AFAP1L1: variants seen among roughly 807,000 people sequenced by gnomAD.
AFAP1L1 encodes the protein actin filament-associated protein 1-like 1.
AFAP1L1 carries 77 observed loss-of-function variants against 99.8 expected under a neutral mutation model. That is an observed-to-expected ratio of 0.77 (90% CI 0.64 to 0.93). AFAP1L1 has a LOEUF of 0.93. Among genes scored for constraint, AFAP1L1 ranks in the 40% least tolerant of loss-of-function variants. AFAP1L1 has a pLI of 0.00. For missense variants in AFAP1L1, 893 were observed against 996.8 expected, an observed-to-expected ratio of 0.90 and a Z score of 1.40; for synonymous variants, 373 against 395.3, an observed-to-expected ratio of 0.94 and a Z score of 0.67.
rs1476513267 is a variant in AFAP1L1 at position 149,319,633 on chromosome 5, A to ATGGGC, written c.1533_1537dup (p.Ser513TrpfsTer20). ...CTGGCTCGGGCTGCTGCTGGTGGAGATGGGCTCCAGAGTCACTCCGGAGGC... is the reference window on the plus strand; with the variant it reads ...CTGGCTCGGGCTGCTGCTGGTGGAGATGGGCTGGGCTCCAGAGTCACTCCGGAGGC... On this transcript the variant is annotated frameshift_variant, in exon 13 of 19. Transcript: ENST00000296721. LOFTEE classifies it high-confidence loss of function. 3.7e-6 allele frequency: 6 copies of ATGGGC among 1,613,016 alleles called. No homozygotes were observed. The highest frequency in any genetic ancestry group is 4.2e-6 in the Non-Finnish European group (5 of 1,179,936).
At chr5:149,291,549 AAGAAAG>A (rs770305128) in intron 1 of AFAP1L1, among the ~76,000 whole-genome samples, 196 of 82,082 alleles carry the variant, frequency 2.4e-3, no homozygotes, top group Middle Eastern at 0.014. Flanking sequence ...AAAAAAAAAA[AAGAAAG>A]AAAGAAGAGA....
chr5:149,313,402 G>GT (rs1756699696), intron 9 of AFAP1L1, among the ~76,000 whole-genome samples: 1 of 152,208 alleles, frequency 6.6e-6, no homozygotes, highest in Non-Finnish European at 1.5e-5. Context: ...TGCTTTATGT[G>GT]TATTAACTGA....
intron 1 of AFAP1L1, among the ~76,000 whole-genome samples, chr5:149,279,885 T>A (rs1755460754): frequency 1.3e-5 from 2 of 152,236 alleles, no homozygotes; most frequent in Non-Finnish European, 2.9e-5. Context: ...CCAAGATACA[T>A]GCCTGTTGTA....
chr5:149,286,264 A>T (rs1293666437), intron 1 of AFAP1L1, among the ~76,000 whole-genome samples: 11 of 152,138 alleles, frequency 7.2e-5, no homozygotes, highest in Admixed American at 7.2e-4. Flanking sequence ...TATTATTATT[A>T]TCCAAATTTT....
At chr5:149,290,126 G>A (rs1261504440) in intron 1 of AFAP1L1, among the ~76,000 whole-genome samples, 1 of 152,156 alleles carries the variant, frequency 6.6e-6, no homozygotes, top group African/African-American at 2.4e-5. Context: ...CAAGCTACTC[G>A]GGAGGCTGAG....
chr5:149,318,075 T>A, intron 12 of AFAP1L1, 135 bp downstream of exon 12: 1 of 1,009,662 alleles, frequency 9.9e-7, no homozygotes, highest in Non-Finnish European at 1.4e-6. Flanking sequence ...CTCACTCCTG[T>A]CAGGTGACCC....
At chr5:149,322,305 A>C (rs1317455921) in intron 14 of AFAP1L1, among the ~76,000 whole-genome samples, 1 of 152,134 alleles carries the variant, frequency 6.6e-6, no homozygotes, top group Non-Finnish European at 1.5e-5. Context: ...CTAAAGACAA[A>C]AGTATCGATG....
intron 18 of AFAP1L1, among the ~76,000 whole-genome samples, chr5:149,336,807 C>T (rs1757419921): frequency 6.6e-6 from 1 of 152,228 alleles, no homozygotes; most frequent in Admixed American, 6.5e-5. Context: ...GGCTGCACCT[C>T]TCAATACTGC....
chr5:149,300,270 G>A lies in AFAP1L1; in HGVS notation c.146-1G>A. 6.2e-7 allele frequency: 1 copy of A among 1,611,298 alleles called. No individual in the cohort carries two copies. On this transcript the variant is annotated splice_acceptor_variant, in intron 2 of 18. Transcript: ENST00000296721. LOFTEE classifies it high-confidence loss of function. ...TGGCATGTCCCCCTTCTTCCTCACA[G>A]CAAAGGAGGTCTCCTACCTGTATGT... is the stretch of plus-strand genomic sequence containing the variant.
At chr5:149,273,529 TCTC>T (rs1015748186) in intron 1 of AFAP1L1, among the ~76,000 whole-genome samples, 1 of 152,116 alleles carries the variant, frequency 6.6e-6, no homozygotes, top group African/African-American at 2.4e-5. Context: ...GCATTCACCT[TCTC>T]CTTCAGGGAC....
chr5:149,322,374 G>A (rs1481866979), intron 14 of AFAP1L1, among the ~76,000 whole-genome samples: 1 of 152,154 alleles, frequency 6.6e-6, no homozygotes, highest in Non-Finnish European at 1.5e-5. Context: ...CTCTCAGCAG[G>A]TGCTGCAGTT....
intron 1 of AFAP1L1, among the ~76,000 whole-genome samples, chr5:149,281,146 G>A (rs541421145): frequency 6.6e-6 from 1 of 152,108 alleles, no homozygotes; most frequent in African/African-American, 2.4e-5. Context: ...ATTCACGGTG[G>A]GGGGGTTGCT....
chr5:149,299,256 C>A (rs942475325), intron 1 of AFAP1L1, among the ~76,000 whole-genome samples: 2 of 152,160 alleles, frequency 1.3e-5, no homozygotes, highest in Non-Finnish European at 2.9e-5. Context: ...CCAGGGAGGT[C>A]CAGTCCTTGG....
rs200632989 is a variant in AFAP1L1 at position 149,312,226 on chromosome 5, C to T, written c.1020+22C>T. 10 of 1,611,500 alleles carry T rather than the reference C, an allele frequency of 6.2e-6. No homozygotes were observed. The Middle Eastern group carries it at 5.0e-4, about 80-fold the overall frequency. On this transcript the variant is annotated intron_variant, in intron 9 of 18. Coordinates refer to ENST00000296721, the MANE Select transcript of AFAP1L1 (RefSeq NM_152406.4). ...CAAGGTATATCTGTCTCCACTAAGT[C>T]TTCCCCAGGCCAGGCAGTGGCCACT...
intron 1 of AFAP1L1, among the ~76,000 whole-genome samples, chr5:149,284,346 T>C (rs1464374408): frequency 6.6e-6 from 1 of 152,228 alleles, no homozygotes; most frequent in Non-Finnish European, 1.5e-5. Flanking sequence ...GTTTGAATCC[T>C]GGCTCTACTC....
intron 1 of AFAP1L1, among the ~76,000 whole-genome samples, chr5:149,295,812 GACA>G (rs1393845962): frequency 6.6e-6 from 1 of 152,182 alleles, no homozygotes; most frequent in East Asian, 1.9e-4. Context: ...GTAAGGTCCA[GACA>G]ACTTCTGTGT....
Position 149,289,535 on chromosome 5 carries a change from A to G in AFAP1L1, c.17-9974A>G, listed in dbSNP as rs1040599905. Among the ~76,000 whole-genome samples the G allele has an allele frequency of 5.3e-5, 8 of 152,248 alleles. No homozygotes were observed. In the South Asian group the frequency reaches 6.2e-4, roughly 12 times the overall value. ...CCCTATCCAAGCTGGGACAACAGGA[A>G]GTGTTTGTCTTAGTGATAAACAATG... On this transcript the variant is annotated intron_variant, in intron 1 of 18. Coordinates refer to ENST00000296721, the MANE Select transcript of AFAP1L1 (RefSeq NM_152406.4).
chr5:149,290,744 G>T (rs565507818), intron 1 of AFAP1L1, among the ~76,000 whole-genome samples: 2 of 151,632 alleles, frequency 1.3e-5, no homozygotes, highest in East Asian at 3.9e-4. Flanking sequence ...TTTTTTTCAA[G>T]CATCTCTTTA....
intron 9 of AFAP1L1, among the ~76,000 whole-genome samples, chr5:149,314,739 C>T (rs1756746047): frequency 1.3e-5 from 2 of 152,194 alleles, no homozygotes; most frequent in South Asian, 2.1e-4. Flanking sequence ...CTCCGTCCCC[C>T]GGTGCTATGC....
Sources: allele counts gnomAD v4.1 joint callset (sites outside exome capture counted in the v4.1 genomes callset), GRCh38; gene constraint gnomAD v4.1.1; transcripts MANE v1.5; gene names NCBI Gene and HGNC (gene_info 2026-07-23, HGNC 2026-07-21).